The following ZMYM2 variants were observed in gnomAD, a reference collection of about 807,000 sequenced individuals.
ZMYM2 encodes zinc finger MYM-type containing 2.
A neutral mutation model predicts 162.8 loss-of-function variants in ZMYM2; 56 were observed. The observed-to-expected ratio is 0.34, with a 90% CI of 0.28 to 0.43. The LOEUF (loss-of-function observed/expected upper bound fraction) is 0.43. ZMYM2 is among the 20% of genes least tolerant of loss of function. The pLI is 1.00. For synonymous variants in ZMYM2, 510 were observed against 541.6 expected, an observed-to-expected ratio of 0.94 and a Z score of 0.81; for missense variants, 1,275 against 1,621.8, an observed-to-expected ratio of 0.79 and a Z score of 3.67.
chr13:19,996,695 C>T (rs958291945), intron 3 of ZMYM2, among the ~76,000 whole-genome samples: 2 of 151,870 alleles, frequency 1.3e-5, no homozygotes, highest in South Asian at 2.1e-4. Context: ...CCAGCCTGGG[C>T]GACAGACTGA....
chr13:20,080,274 A>G (rs1375822123), intron 21 of ZMYM2, among the ~76,000 whole-genome samples: 4 of 152,148 alleles, frequency 2.6e-5, no homozygotes, highest in Non-Finnish European at 5.9e-5. Flanking sequence ...TTGTTCTACT[A>G]TTTTAGAATT....
chr13:20,054,539 A>G (rs1406085811), intron 14 of ZMYM2, among the ~76,000 whole-genome samples: 1 of 152,206 alleles, frequency 6.6e-6, no homozygotes, highest in African/African-American at 2.4e-5. Context: ...GCATCTAGCA[A>G]ATACTCAACA....
At position 20,059,478 on chromosome 13, in the gene ZMYM2, G is replaced by A. The variant is rs1956071672; in HGVS notation, c.2655G>A (p.Val885=). ...CTTGGAGGACAGAATATGTTCCAGTGCCTATCCCTGTGCCTGTGTATATCC... is the reference window on the plus strand; with the variant it reads ...CTTGGAGGACAGAATATGTTCCAGTACCTATCCCTGTGCCTGTGTATATCC... ...DDTWRTEYVP[V]PIPVPVYIPV... The change falls in exon 16 of 25, where the codon GTG becomes GTA. Residue 885 remains valine (V), a synonymous_variant. Transcript: ENST00000610343. 6.2e-7 allele frequency: 1 copy of A among 1,608,276 alleles called. No homozygotes were observed. Among genetic ancestry groups the A allele is most frequent in the African/African-American group, 1.3e-5 (1 of 74,796 alleles).
At chr13:19,956,978 G>C (rs954584367), upstream of ZMYM2, among the ~76,000 whole-genome samples, 1 of 152,156 alleles carries the variant, frequency 6.6e-6, no homozygotes, top group Non-Finnish European at 1.5e-5. Context: ...GAAATCTTAA[G>C]AGGCTATTTT....
chr13:20,003,638 C>CTTT (rs1281809459), intron 4 of ZMYM2, among the ~76,000 whole-genome samples: 1 of 141,832 alleles, frequency 7.1e-6, no homozygotes. Flanking sequence ...TTTTTCTTTT[C>CTTT]TTTTTTTTTT....
intron 2 of ZMYM2, among the ~76,000 whole-genome samples, chr13:19,960,589 T>C: frequency 6.6e-6 from 1 of 152,208 alleles, no homozygotes; most frequent in Non-Finnish European, 1.5e-5. Context: ...GTTCACCAAG[T>C]AGTATGCTGA....
chr13:20,086,149 C>A lies in ZMYM2; in HGVS notation c.*135C>A. Reference sequence around the variant, plus strand: ...AGCAGTGTACCCACGCTGGGTATTACCATGTAAATAATCTGTGAGTGAAAG... The same window carrying A: ...AGCAGTGTACCCACGCTGGGTATTAACATGTAAATAATCTGTGAGTGAAAG... On this transcript the variant is annotated 3_prime_UTR_variant, in exon 25 of 25. Coordinates refer to ENST00000610343, the MANE Select transcript of ZMYM2 (RefSeq NM_197968.4). The A allele has an allele frequency of 2.7e-6, 2 of 753,592 alleles. No individual in the cohort carries two copies. Among genetic ancestry groups the A allele is most frequent in the Non-Finnish European group, 2.0e-6 (1 of 502,964 alleles). 46.7% of individuals were successfully genotyped at this position (753,592 alleles called of 1,614,324 possible).
At chr13:19,879,215 A>T in the ZMYM2 span, among the ~76,000 whole-genome samples, 2 of 152,156 alleles carry the variant, frequency 1.3e-5, no homozygotes, top group African/African-American at 4.8e-5. Flanking sequence ...GTGAATATCC[A>T]ATTTTCCCAG....
At chr13:20,026,900 A>C in intron 8 of ZMYM2, 138 bp downstream of exon 8, 1 of 1,007,910 alleles carries the variant, frequency 9.9e-7, no homozygotes, top group East Asian at 2.8e-5. Flanking sequence ...TGTTCTAATT[A>C]TTTTGATTAT....
chr13:19,956,981 G>A (rs1283063117), upstream of ZMYM2, among the ~76,000 whole-genome samples: 2 of 152,064 alleles, frequency 1.3e-5, no homozygotes, highest in African/African-American at 4.8e-5. Flanking sequence ...ATCTTAAGAG[G>A]CTATTTTAGT....
intron 16 of ZMYM2, 46 bp downstream of exon 16, chr13:20,059,608 A>C: frequency 1.1e-6 from 1 of 885,250 alleles, no homozygotes; most frequent in Non-Finnish European, 1.9e-6. Flanking sequence ...TTTAGCAGAC[A>C]CAGTTGGGAA....
chr13:20,068,931 G>T (rs150177338), intron 21 of ZMYM2, among the ~76,000 whole-genome samples: 2 of 151,896 alleles, frequency 1.3e-5, no homozygotes, highest in Admixed American at 1.3e-4. Flanking sequence ...TTCATTTCTG[G>T]TAGAAACAAG....
At chr13:19,972,144 AT>A (rs1243634393) in intron 2 of ZMYM2, among the ~76,000 whole-genome samples, 2 of 152,164 alleles carry the variant, frequency 1.3e-5, no homozygotes, top group Non-Finnish European at 2.9e-5. Flanking sequence ...GATCAAAGGG[AT>A]TTTTGTTTAG....
chr13:19,963,904 T>G (rs1009407752), intron 2 of ZMYM2, among the ~76,000 whole-genome samples: 2 of 152,206 alleles, frequency 1.3e-5, no homozygotes, highest in African/African-American at 2.4e-5. Flanking sequence ...TTGGGATTTG[T>G]TCTTAGTCCT....
the ZMYM2 span, among the ~76,000 whole-genome samples, chr13:19,947,448 C>T: frequency 9.0e-6 from 1 of 111,028 alleles, no homozygotes; most frequent in East Asian, 3.1e-4. Context: ...TCTTCTTCTT[C>T]GTCTTTTTTT....
Position 19,993,421 on chromosome 13 carries a change from A to G in ZMYM2, c.349A>G (p.Ile117Val), listed in dbSNP as rs757218960. Reference sequence around the variant, plus strand: ...TCAGAAGGGAAGTGTAAGTGAGACAATTGTCATTGATGATGAAGAGGACAT... The same window carrying G: ...TCAGAAGGGAAGTGTAAGTGAGACAGTTGTCATTGATGATGAAGAGGACAT... Reference protein sequence around the residue: ...ASQKGSVSETIVIDDEEDMET... With the variant: ...ASQKGSVSETVVIDDEEDMET... The change falls in exon 3 of 25, where the codon ATT becomes GTT. Residue 117 changes from isoleucine to valine, a missense_variant. Physicochemically the swap from Ile to Val is conservative, Grantham distance 29. Coordinates refer to ENST00000610343, the MANE Select transcript of ZMYM2 (RefSeq NM_197968.4). 1.1e-5 allele frequency: 17 copies of G among 1,613,874 alleles called. No individual in the cohort carries two copies. Among genetic ancestry groups the G allele is most frequent in the African/African-American group, 6.7e-5 (5 of 75,046 alleles).
chr13:19,886,866 G>C, the ZMYM2 span, among the ~76,000 whole-genome samples: 1 of 150,730 alleles, frequency 6.6e-6, no homozygotes, highest in East Asian at 2.0e-4. Flanking sequence ...TCACTGTGTT[G>C]ACCATGGCTG....
chr13:19,889,349 G>A, the ZMYM2 span, among the ~76,000 whole-genome samples: 81 of 151,824 alleles, frequency 5.3e-4, no homozygotes, highest in Non-Finnish European at 7.8e-4. Context: ...ACAGAGTTTC[G>A]TTCTTGTCGC....
chr13:19,993,104 T>A lies in ZMYM2; in HGVS notation c.32T>A (p.Leu11Ter). The change falls in exon 3 of 25, where the codon TTG becomes TAG. Residue 11 changes from leucine to a stop codon, truncating the protein, a stop_gained. Coordinates refer to ENST00000610343, the MANE Select transcript of ZMYM2 (RefSeq NM_197968.4). LOFTEE classifies it high-confidence loss of function. MDTSSVGGLE[L>*]TDQTPVLLGS... ...ACAAGTTCAGTGGGAGGATTAGAAT[T>A]GACTGATCAGACTCCTGTTTTATTA... 2 of 1,612,678 alleles carry A rather than the reference T, an allele frequency of 1.2e-6. No homozygotes were observed. Among genetic ancestry groups the A allele is most frequent in the Non-Finnish European group, 1.7e-6 (2 of 1,179,498 alleles).
Sources: allele counts gnomAD v4.1 joint callset (sites outside exome capture counted in the v4.1 genomes callset), GRCh38; gene constraint gnomAD v4.1.1; transcripts MANE v1.5; gene names NCBI Gene and HGNC (gene_info 2026-07-23, HGNC 2026-07-21).